Variants in FIGNL2 observed in about 807,000 individuals in gnomAD.
FIGNL2 encodes the protein fidgetin-like protein 2.
For missense variants in FIGNL2, 1,060 were observed against 950.2 expected (o/e 1.12, Z -1.52); for synonymous variants, 565 against 484.0 (o/e 1.17, Z -2.20).
Position 51,821,428 on chromosome 12 carries a change from G to T in FIGNL2, c.986C>A (p.Pro329His). The T allele has an allele frequency of 6.5e-7, 1 of 1,538,556 alleles. No homozygotes were observed. ...GACGGGGGAGCCCAGGACCTTGAGG[G>T]GGACGCCGCCACCGTACTTGCCCGA... ...EASGKYGGGV[P>H]LKVLGSPVYG... The change falls in exon 2 of 2, where the codon CCC becomes CAC. Residue 329 changes from proline (P) to histidine (H), a missense_variant. By Grantham distance (77) the Pro-to-His change is moderately conservative (BLOSUM62 -2). Transcript: ENST00000618634.
At chr12:51,847,435 C>A (rs550030815) in intron 1 of FIGNL2, 1 of 985,354 alleles carries the variant, frequency 1.0e-6, no homozygotes, top group Non-Finnish European at 1.2e-6. Context: ...CGCCACAGCC[C>A]GTGCGGACAA....
At chr12:51,846,903 G>A (rs1464436902) in intron 1 of FIGNL2, 1 of 777,680 alleles carries the variant, frequency 1.3e-6, no homozygotes, top group African/African-American at 1.9e-5. Flanking sequence ...ATGGAATCAA[G>A]TGGAAAGAAA....
Position 51,821,716 on chromosome 12 carries a change from G to T in FIGNL2, c.698C>A (p.Pro233Gln). The T allele has an allele frequency of 7.5e-7, 1 of 1,335,268 alleles. No individual in the cohort carries two copies. The highest frequency in any genetic ancestry group is 9.5e-7 in the Non-Finnish European group (1 of 1,050,904). 82.7% of individuals were successfully genotyped at this position (1,335,268 alleles called of 1,614,324 possible). A position where few individuals can be genotyped will look rare whatever the true frequency, so the allele number is the denominator to read the frequency against. ...PGPPPAPYLT[P>Q]GLPAPTPLPA... ...CAGGGGCGTGGGCGCGGGCAGGCCC[G>T]GGGTCAGGTAGGGGGCCGGGGGTGG... The change falls in exon 2 of 2, where the codon CCG (proline) becomes CAG (glutamine). Residue 233 changes from proline to glutamine, a missense_variant. Physicochemically the swap from Pro to Gln is moderately conservative, Grantham distance 76 (BLOSUM62 -1). Coordinates refer to ENST00000618634, the MANE Select transcript of FIGNL2 (RefSeq NM_001384995.1).
intron 1 of FIGNL2, among the ~76,000 whole-genome samples, chr12:51,836,288 A>G (rs1377776276): frequency 6.6e-6 from 1 of 152,150 alleles, no homozygotes; most frequent in African/African-American, 2.4e-5. Context: ...AAGGTAGGAC[A>G]GGGCACTCTG....
intron 1 of FIGNL2, among the ~76,000 whole-genome samples, chr12:51,833,928 G>A (rs1412370477): frequency 6.6e-6 from 1 of 152,182 alleles, no homozygotes; most frequent in Non-Finnish European, 1.5e-5. Flanking sequence ...GTTCTCAATA[G>A]ACTACAGGAT....
At chr12:51,830,733 C>T (rs1255743317) in intron 1 of FIGNL2, among the ~76,000 whole-genome samples, 2 of 151,964 alleles carry the variant, frequency 1.3e-5, no homozygotes, top group Admixed American at 6.6e-5. Flanking sequence ...CCTCATGATT[C>T]GCCCGCCTTG....
At chr12:51,833,494 C>T (rs1043251083) in intron 1 of FIGNL2, among the ~76,000 whole-genome samples, 3 of 152,194 alleles carry the variant, frequency 2.0e-5, no homozygotes, top group African/African-American at 7.2e-5. Flanking sequence ...AGAATAAAAG[C>T]CAAAGTCCTC....
intron 1 of FIGNL2, among the ~76,000 whole-genome samples, chr12:51,825,148 CCTTA>C (rs1939311377): frequency 6.6e-6 from 1 of 151,092 alleles, no homozygotes; most frequent in Admixed American, 6.6e-5. Context: ...TGCTTTGTTT[CCTTA>C]CTTAATATGG....
rs61653181 is a variant in FIGNL2, at chr12:51,843,382, CAAA to C, written c.-12+5155_-12+5157del. On this transcript the variant is annotated intron_variant, in intron 1 of 1. Coordinates refer to ENST00000618634, the MANE Select transcript of FIGNL2 (RefSeq NM_001384995.1). ...CAAAACCCCGTCTCTACTAAAAATACAAAAAAAAAAAAAAAATTAGCTGGGCGT... is the reference window on the plus strand; with the variant it reads ...CAAAACCCCGTCTCTACTAAAAATACAAAAAAAAAAAAATTAGCTGGGCGT... Among the ~76,000 whole-genome samples, 690 of 145,106 alleles carry C rather than the reference CAAA, an allele frequency of 4.8e-3. 1 individual carries two copies. Among genetic ancestry groups the C allele is most frequent in the Non-Finnish European group, 4.5e-3 (299 of 66,414 alleles).
At chr12:51,828,882 A>G (rs1052102038) in intron 1 of FIGNL2, among the ~76,000 whole-genome samples, 1 of 152,260 alleles carries the variant, frequency 6.6e-6, no homozygotes, top group Non-Finnish European at 1.5e-5. Context: ...CTCATTAGAA[A>G]CACAAATAAA....
At chr12:51,823,355 C>T (rs766237661) in intron 1 of FIGNL2, 4 of 152,222 alleles carry the variant, frequency 2.6e-5, no homozygotes, top group Non-Finnish European at 5.9e-5. Flanking sequence ...GAGAGGTCAT[C>T]AGACTCACTG....
At chr12:51,834,078 T>TGGAC (rs1939530305) in intron 1 of FIGNL2, among the ~76,000 whole-genome samples, 1 of 46,058 alleles carries the variant, frequency 2.2e-5, no homozygotes, top group Non-Finnish European at 6.8e-5. Context: ...GATGGATGAA[T>TGGAC]AGACAGACAG....
chr12:51,847,052 G>T, intron 1 of FIGNL2: 1 of 984,834 alleles, frequency 1.0e-6, no homozygotes, highest in Non-Finnish European at 1.2e-6. Context: ...TCGCGCGGCC[G>T]CCCGGTACCC....
At chr12:51,832,174 G>A (rs981634106) in intron 1 of FIGNL2, among the ~76,000 whole-genome samples, 20 of 151,836 alleles carry the variant, frequency 1.3e-4, no homozygotes, top group Admixed American at 1.3e-3. Flanking sequence ...CCACCACCAC[G>A]CCCAGCTAAT....
In FIGNL2 at chr12:51,821,405, C is replaced by T; in HGVS notation, c.1009G>A (p.Val337Ile). The stretch of plus-strand genomic sequence containing the variant: ...AAGGGCTCCAGTTGCGGGCCGTAGA[C>T]GGGGGAGCCCAGGACCTTGAGGGGG... ...GVPLKVLGSP[V>I]YGPQLEPFEK... is the part of the protein sequence containing the mutation. Residue 337 changes from valine to isoleucine, a missense_variant, in exon 2 of 2, where the codon GTC becomes ATC. Transcript: ENST00000618634. 1.3e-6 allele frequency: 2 copies of T among 1,528,814 alleles called. No individual in the cohort carries two copies. Among genetic ancestry groups the T allele is most frequent in the African/African-American group, 1.4e-5 (1 of 70,866 alleles). The allele number at this position is 1,528,814 out of a possible 1,614,324, so 94.7% of individuals were successfully genotyped here.
chr12:51,844,254 G>T (rs939922949), intron 1 of FIGNL2, among the ~76,000 whole-genome samples: 4 of 152,128 alleles, frequency 2.6e-5, no homozygotes, highest in African/African-American at 9.7e-5. Flanking sequence ...GTCATAACTG[G>T]TCATCAAAAA....
At chr12:51,834,924 A>G (rs528540951) in intron 1 of FIGNL2, among the ~76,000 whole-genome samples, 10 of 152,338 alleles carry the variant, frequency 6.6e-5, no homozygotes, top group African/African-American at 2.4e-4. Flanking sequence ...ATTTTATAGA[A>G]GAGGAAATGG....
rs1939177064 is a variant in FIGNL2, at chr12:51,821,209, G to T, written c.1205C>A (p.Ala402Glu). 5 of 1,520,172 alleles carry T rather than the reference G, an allele frequency of 3.3e-6. No individual in the cohort carries two copies. Among genetic ancestry groups the T allele is most frequent in the Non-Finnish European group, 4.4e-6 (5 of 1,140,604 alleles). The allele number at this position is 1,520,172 out of a possible 1,614,324, so 94.2% of individuals were successfully genotyped here. ...CCACACCAGCTCCTCCTCCAGCGCC[G>T]CCTTGAGCGCGCCCTGGCCCGCCAC... ...ADVAGQGALK[A>E]ALEEELVWPL... The change falls in exon 2 of 2, where the codon GCG becomes GAG. Residue 402 changes from alanine to glutamate, a missense_variant. Physicochemically the swap from Ala to Glu is moderately radical, Grantham distance 107. Coordinates refer to ENST00000618634, the MANE Select transcript of FIGNL2 (RefSeq NM_001384995.1).
At chr12:51,824,880 C>T (rs1939303433) in intron 1 of FIGNL2, among the ~76,000 whole-genome samples, 1 of 152,114 alleles carries the variant, frequency 6.6e-6, no homozygotes, top group Non-Finnish European at 1.5e-5. Flanking sequence ...ACCGTCTGTA[C>T]TAAAAATACA....
Sources: allele counts gnomAD v4.1 joint callset (sites outside exome capture counted in the v4.1 genomes callset), GRCh38; gene constraint gnomAD v4.1.1; transcripts MANE v1.5; gene names NCBI Gene and HGNC (gene_info 2026-07-23, HGNC 2026-07-21).